FGF13: variants seen among roughly 807,000 people sequenced by gnomAD.
The protein encoded by FGF13 is fibroblast growth factor homologous factor 2.
FGF13 carries 2 observed loss-of-function variants against 19.5 expected under a neutral mutation model. The ratio of observed to expected loss-of-function variants is 0.10; its 90% CI spans 0.04 to 0.32. FGF13 has a LOEUF of 0.32. Among genes scored for constraint, FGF13 ranks in the 10% least tolerant of loss-of-function variants. The probability of loss-of-function intolerance (pLI) is 1.00; values close to 1 mark genes in which losing one functional copy is unlikely to be tolerated. For missense variants in FGF13, 113 were observed against 192.7 expected, an observed-to-expected ratio of 0.59 and a Z score of 2.45; for synonymous variants, 72 against 76.9, an observed-to-expected ratio of 0.94 and a Z score of 0.33.
chrX:139,180,970 A>T (rs925848548), intron 1 of FGF13, among the ~76,000 whole-genome samples: 1 of 112,405 alleles, frequency 8.9e-6, no homozygotes, highest in Admixed American at 9.4e-5. Flanking sequence ...AGAAAAGATG[A>T]CTGATAAACA....
intron 3 of FGF13, among the ~76,000 whole-genome samples, chrX:138,849,087 G>C (rs1304857228): frequency 1.8e-5 from 2 of 111,371 alleles, no homozygotes; most frequent in African/African-American, 6.5e-5. Flanking sequence ...TGTGCTACTT[G>C]ACAAAGCTCA....
intron 1 of FGF13, among the ~76,000 whole-genome samples, chrX:139,192,577 A>G (rs2084340239): frequency 8.9e-6 from 1 of 112,499 alleles, no homozygotes; most frequent in African/African-American, 3.2e-5. Context: ...TCCCTAAACC[A>G]GCTGTGCATT....
chrX:138,734,644 C>T (rs996075280), intron 1 of FGF13, among the ~76,000 whole-genome samples: 38 of 111,355 alleles, frequency 3.4e-4, no homozygotes, highest in African/African-American at 1.2e-3. Flanking sequence ...CATTTAAGTC[C>T]CTGGTTAATT....
intron 1 of FGF13, among the ~76,000 whole-genome samples, chrX:139,194,822 C>T (rs778488983): frequency 8.1e-5 from 9 of 111,710 alleles, no homozygotes; most frequent in Admixed American, 2.8e-4. Flanking sequence ...CAGTATCTTC[C>T]CCCGGACTGC....
chrX:138,891,119 G>A (rs1386609044), intron 1 of FGF13, among the ~76,000 whole-genome samples: 6 of 111,251 alleles, frequency 5.4e-5, no homozygotes, highest in African/African-American at 1.6e-4. Flanking sequence ...GTGAAACCCC[G>A]TCTCTACTAA....
intron 1 of FGF13, among the ~76,000 whole-genome samples, chrX:139,054,563 T>A (rs1221231944): frequency 2.7e-5 from 3 of 111,774 alleles, no homozygotes; most frequent in African/African-American, 9.8e-5. Flanking sequence ...TACTCTTTTT[T>A]TGGTCCCATA....
At chrX:139,198,875 C>T (rs994159442) in intron 1 of FGF13, among the ~76,000 whole-genome samples, 3 of 111,851 alleles carry the variant, frequency 2.7e-5, no homozygotes, top group Non-Finnish European at 5.6e-5. Context: ...GAAATTAATG[C>T]ATTTACCGGG....
rs923653102 is a variant in FGF13 at position 138,624,335 on chromosome X, A to C, written c.*8515T>G. On this transcript the variant is annotated 3_prime_UTR_variant, in exon 5 of 5. Coordinates refer to ENST00000315930, the MANE Select transcript of FGF13 (RefSeq NM_004114.5). ...AACACATCATGGGGAAATATAGTCC[A>C]TTCAATAAATCGTATTTTAAACATT... 2.7e-5 allele frequency: 3 copies of C among 112,054 alleles called. No homozygotes were observed. The highest frequency in any genetic ancestry group is 9.7e-5 in the African/African-American group (3 of 30,858). 9.2% of individuals were successfully genotyped at this position (112,054 alleles called of 1,213,427 possible).
chrX:139,194,099 C>G (rs183347426), intron 1 of FGF13, among the ~76,000 whole-genome samples: 106 of 111,932 alleles, frequency 9.5e-4, no homozygotes, highest in Non-Finnish European at 1.6e-3. Flanking sequence ...CACCATCTCT[C>G]CTTGGTTACC....
At chrX:138,975,731 G>C (rs1330328124) in intron 1 of FGF13, among the ~76,000 whole-genome samples, 3 of 111,632 alleles carry the variant, frequency 2.7e-5, no homozygotes, top group African/African-American at 6.5e-5. Context: ...TCAGGACTGA[G>C]AGCAGTTCAC....
At chrX:138,854,353 C>T (rs1034356890), downstream of FGF13, among the ~76,000 whole-genome samples, 3 of 111,599 alleles carry the variant, frequency 2.7e-5, no homozygotes, top group African/African-American at 9.7e-5. Context: ...ATTTGGCCTT[C>T]GTGTATCCTG....
At chrX:138,854,471 A>G (rs2091245274), downstream of FGF13, among the ~76,000 whole-genome samples, 1 of 111,321 alleles carries the variant, frequency 9.0e-6, no homozygotes, top group African/African-American at 3.3e-5. Context: ...ACTATAAACA[A>G]TGTTAAATTA....
At chrX:139,070,339 CA>C (rs1348290214) in intron 1 of FGF13, among the ~76,000 whole-genome samples, 1 of 112,047 alleles carries the variant, frequency 8.9e-6, no homozygotes, top group East Asian at 2.8e-4. Context: ...AGACAATTCT[CA>C]AAAGAAGAGA....
At chrX:139,070,361 C>T (rs1439392450) in intron 1 of FGF13, among the ~76,000 whole-genome samples, 1 of 111,634 alleles carries the variant, frequency 9.0e-6, no homozygotes, top group Non-Finnish European at 1.9e-5. Flanking sequence ...TTTATGCAGC[C>T]AACAAACATG....
At chrX:138,858,386 T>C (rs1242986575) in intron 2 of FGF13, among the ~76,000 whole-genome samples, 4 of 112,114 alleles carry the variant, frequency 3.6e-5, no homozygotes, top group Non-Finnish European at 7.5e-5. Flanking sequence ...CTAGGCTCTT[T>C]ATATGCTTCC....
At chrX:138,898,742 C>T (rs999967223) in intron 1 of FGF13, among the ~76,000 whole-genome samples, 3 of 111,766 alleles carry the variant, frequency 2.7e-5, no homozygotes, top group African/African-American at 9.8e-5. Context: ...CTTTTAACAT[C>T]TTCATAAAAT....
intron 1 of FGF13, among the ~76,000 whole-genome samples, chrX:138,901,318 G>A (rs1359884161): frequency 9.0e-6 from 1 of 111,446 alleles, no homozygotes; most frequent in Non-Finnish European, 1.9e-5. Context: ...AGCGCACGGT[G>A]GGGCTGTTTG....
intron 1 of FGF13, among the ~76,000 whole-genome samples, chrX:139,136,753 C>T (rs1015303889): frequency 9.0e-6 from 1 of 111,685 alleles, no homozygotes; most frequent in Non-Finnish European, 1.9e-5. Flanking sequence ...AGACTCAGTG[C>T]CAAGGGTTTT....
At chrX:139,037,188 C>T (rs1230398903) in intron 1 of FGF13, among the ~76,000 whole-genome samples, 1 of 111,208 alleles carries the variant, frequency 9.0e-6, no homozygotes, top group East Asian at 2.9e-4. Context: ...AAGGACACTG[C>T]ATTTGGAGTC....
Sources: gnomAD v4.1 joint callset for allele counts (sites outside exome capture counted in the v4.1 genomes callset) on GRCh38, gnomAD v4.1.1 for gene constraint, MANE v1.5 for transcripts, NCBI Gene and HGNC (gene_info 2026-07-23, HGNC 2026-07-21) for gene names.